Variants in ASXL3 observed in about 807,000 individuals in gnomAD.
ASXL3 encodes ASXL transcriptional regulator 3, also known as putative Polycomb group protein ASXL3.
A neutral mutation model predicts 170.6 loss-of-function variants in ASXL3; 34 were observed. The ratio of observed to expected loss-of-function variants is 0.20; its 90% CI spans 0.15 to 0.27. The LOEUF (loss-of-function observed/expected upper bound fraction) is 0.27, where lower values mean the gene tolerates loss of function less well. Among genes scored for constraint, ASXL3 ranks in the 10% least tolerant of loss-of-function variants. The probability of loss-of-function intolerance (pLI) is 1.00; values close to 1 mark genes in which losing one functional copy is unlikely to be tolerated. For synonymous variants in ASXL3, 1,002 were observed against 989.1 expected (o/e 1.01, Z -0.24); for missense variants, 2,592 against 2,695.3 (o/e 0.96, Z 0.85).
intron 8 of ASXL3, among the ~76,000 whole-genome samples, chr18:33,693,921 T>C (rs948009385): frequency 6.6e-6 from 1 of 152,134 alleles, no homozygotes; most frequent in Admixed American, 6.6e-5. Context: ...TTGGAGGAGC[T>C]GGGCTGATTG....
rs2067825865 is a variant in ASXL3, at chr18:33,748,112, G to C, written c.*1517G>C. On this transcript the variant is annotated 3_prime_UTR_variant, in exon 12 of 12. Transcript: ENST00000269197. ...TGATTGTGGCTGTAGAATTTAAAAA[G>C]CAAACATGGGGGGGGTGGGGAATCA... The C allele has an allele frequency of 1.0e-5, 1 of 97,474 alleles. No individual in the cohort carries two copies. The highest frequency in any genetic ancestry group is 1.1e-4 in the Admixed American group (1 of 8,824). 6.0% of individuals were successfully genotyped at this position (97,474 alleles called of 1,614,324 possible).
intron 5 of ASXL3, among the ~76,000 whole-genome samples, chr18:33,669,295 A>G (rs1394997467): frequency 1.3e-5 from 2 of 152,166 alleles, no homozygotes; most frequent in Non-Finnish European, 2.9e-5. Context: ...TAAAGGTGAG[A>G]AGGATGGCAT....
In ASXL3 at chr18:33,665,134, C is replaced by G. The variant is rs535925947; in HGVS notation, c.477+3397C>G. 2.6e-5 allele frequency among the ~76,000 whole-genome samples: 4 copies of G among 151,910 alleles called. No individual in the cohort carries two copies. In the South Asian group the frequency reaches 6.3e-4, roughly 24 times the overall value. ...AGATTAAATTTTGGAAATTTTAAAC[C>G]GGCACAAGATAATTAAAGGTTAAAG... On this transcript the variant is annotated intron_variant, in intron 5 of 11. Transcript: ENST00000269197.
intron 1 of ASXL3, among the ~76,000 whole-genome samples, chr18:33,596,140 C>T (rs2065124537): frequency 6.6e-6 from 1 of 152,010 alleles, no homozygotes; most frequent in African/African-American, 2.4e-5. Context: ...ATAAAACCAC[C>T]ACTAGAAACA....
At chr18:33,664,117 A>T (rs1019486953) in intron 5 of ASXL3, among the ~76,000 whole-genome samples, 1 of 152,088 alleles carries the variant, frequency 6.6e-6, no homozygotes, top group Non-Finnish European at 1.5e-5. Flanking sequence ...TTTACGTGGG[A>T]TATATTATTT....
intron 8 of ASXL3, among the ~76,000 whole-genome samples, chr18:33,691,660 A>G (rs1039715363): frequency 6.6e-6 from 1 of 152,184 alleles, no homozygotes; most frequent in Admixed American, 6.5e-5. Flanking sequence ...GAGAGATGTA[A>G]AAGCCTGTAA....
At chr18:33,661,858 C>T in intron 5 of ASXL3, 121 bp downstream of exon 5, 1 of 1,134,544 alleles carries the variant, frequency 8.8e-7, no homozygotes, top group Non-Finnish European at 1.2e-6. Flanking sequence ...TGAATTCAAT[C>T]CCATCCATGA....
chr18:33,746,593 T>C lies in ASXL3; in HGVS notation c.6745T>C (p.Ter2249GlnextTer17). ...KLCVACLVVR[*>Q] ...TTGTGTAGCATGCCTGGTTGTACGA[T>C]AAGAGCTGAGTGAAAGATGCAGTAT... Residue 2249 changes from the stop codon to glutamine, a stop_lost, in exon 12 of 12, where the codon TAA (stop) becomes CAA (glutamine). Coordinates refer to ENST00000269197, the MANE Select transcript of ASXL3 (RefSeq NM_030632.3). 1 of 1,578,748 alleles carries C rather than the reference T, an allele frequency of 6.3e-7. No homozygotes were observed. Among genetic ancestry groups the C allele is most frequent in the Non-Finnish European group, 8.6e-7 (1 of 1,161,100 alleles).
intron 2 of ASXL3, among the ~76,000 whole-genome samples, chr18:33,613,849 G>A (rs1054519226): frequency 1.3e-5 from 2 of 152,062 alleles, no homozygotes; most frequent in South Asian, 2.1e-4. Flanking sequence ...CACTTGAGCC[G>A]ATGTGGTCAA....
intron 11 of ASXL3, 150 bp from the exon 12 acceptor site, chr18:33,742,738 C>A: frequency 8.5e-7 from 1 of 1,182,422 alleles, no homozygotes; most frequent in South Asian, 2.2e-5. Flanking sequence ...TGCTTTATGC[C>A]CTAAGGGTGC....
intron 2 of ASXL3, among the ~76,000 whole-genome samples, chr18:33,630,861 A>T (rs1384517740): frequency 1.3e-5 from 2 of 151,994 alleles, no homozygotes; most frequent in African/African-American, 2.4e-5. Flanking sequence ...TCAACATGTA[A>T]TTTTTTTACA....
intron 2 of ASXL3, among the ~76,000 whole-genome samples, chr18:33,633,716 G>A (rs542715312): frequency 6.6e-6 from 1 of 151,746 alleles, no homozygotes; most frequent in Non-Finnish European, 1.5e-5. Flanking sequence ...GTGATGGCGC[G>A]TGCCTGTAGT....
At chr18:33,636,883 A>T (rs1030588219) in intron 2 of ASXL3, among the ~76,000 whole-genome samples, 13 of 152,110 alleles carry the variant, frequency 8.5e-5, no homozygotes, top group Non-Finnish European at 1.8e-4. Context: ...AGGTCCTATG[A>T]GTGTTTCCTT....
intron 2 of ASXL3, among the ~76,000 whole-genome samples, chr18:33,617,557 A>G (rs2065445970): frequency 6.6e-6 from 1 of 152,146 alleles, no homozygotes; most frequent in Admixed American, 6.6e-5. Context: ...TTTATTTGAA[A>G]CCTTTGGTAA....
chr18:33,676,222 CAAA>C (rs568221465), intron 7 of ASXL3, among the ~76,000 whole-genome samples: 893 of 41,692 alleles, frequency 0.021, 12 homozygotes, highest in Non-Finnish European at 0.027. Flanking sequence ...GACTCCGTCT[CAAA>C]AAAAAAAAAA....
chr18:33,610,072 G>A (rs944164086), intron 2 of ASXL3, among the ~76,000 whole-genome samples: 1 of 151,982 alleles, frequency 6.6e-6, no homozygotes, highest in African/African-American at 2.4e-5. Flanking sequence ...TGTCCTGTAT[G>A]TATGTATGTT....
intron 1 of ASXL3, among the ~76,000 whole-genome samples, chr18:33,590,783 T>G (rs1351575249): frequency 6.6e-6 from 1 of 152,164 alleles, no homozygotes; most frequent in East Asian, 1.9e-4. Context: ...TCTGTTCTAT[T>G]TTCCCCCACA....
At chr18:33,710,129 G>A (rs2067030976) in intron 8 of ASXL3, among the ~76,000 whole-genome samples, 1 of 152,194 alleles carries the variant, frequency 6.6e-6, no homozygotes, top group South Asian at 2.1e-4. Context: ...GGTGGCACAT[G>A]CCTGTAATCC....
chr18:33,716,684 T>C (rs1421992100), intron 8 of ASXL3, among the ~76,000 whole-genome samples: 2 of 152,140 alleles, frequency 1.3e-5, no homozygotes, highest in African/African-American at 2.4e-5. Flanking sequence ...CGTACCCTTA[T>C]AGTGTTCTAT....
Sources: allele counts gnomAD v4.1 joint callset (sites outside exome capture counted in the v4.1 genomes callset), GRCh38; gene constraint gnomAD v4.1.1; transcripts MANE v1.5; gene names NCBI Gene and HGNC (gene_info 2026-07-23, HGNC 2026-07-21).